Variants in ZDHHC14 observed in about 807,000 individuals in gnomAD.
ZDHHC14 encodes the protein zDHHC palmitoyltransferase 14, also known as palmitoyltransferase ZDHHC14.
Under a neutral mutation model 47.7 loss-of-function variants are expected in ZDHHC14, and 16 were observed. The ratio of observed to expected loss-of-function variants is 0.34; its 90% CI spans 0.23 to 0.51. The LOEUF (loss-of-function observed/expected upper bound fraction) is 0.51, where lower values mean the gene tolerates loss of function less well. ZDHHC14 is among the 20% of genes least tolerant of loss of function. The pLI, the probability that ZDHHC14 is intolerant of heterozygous loss-of-function variation, is 0.97. For synonymous variants in ZDHHC14, 293 were observed against 278.9 expected (o/e 1.05, Z -0.50); for missense variants, 515 against 662.5 (o/e 0.78, Z 2.44).
intron 7 of ZDHHC14, among the ~76,000 whole-genome samples, chr6:157,651,506 C>T (rs1185504000): frequency 7.2e-5 from 11 of 152,220 alleles, no homozygotes; most frequent in Admixed American, 7.2e-4. Context: ...AGGTCACACT[C>T]GCAGGTACCA....
At chr6:157,632,800 A>T (rs1785802077) in intron 4 of ZDHHC14, 34 bp from the exon 5 acceptor site, 1 of 1,608,696 alleles carries the variant, frequency 6.2e-7, no homozygotes. Context: ...GGCTGTTTCT[A>T]TCTGAATACT....
intron 1 of ZDHHC14, among the ~76,000 whole-genome samples, chr6:157,416,503 A>C (rs993403787): frequency 1.3e-4 from 20 of 151,796 alleles, no homozygotes; most frequent in Non-Finnish European, 5.9e-5. Flanking sequence ...TATCAAAAAA[A>C]AACAAGCAAA....
Position 157,554,385 on chromosome 6 carries a change from A to C in ZDHHC14, c.406+11640A>C, listed in dbSNP as rs1038428288. ...AGACGGCACGAGTTCTAGCAGTGAC[A>C]TTTAAAAAGTAAAAAAGCATATTTT... On this transcript the variant is annotated intron_variant, in intron 2 of 8. Coordinates refer to ENST00000359775, the MANE Select transcript of ZDHHC14 (RefSeq NM_024630.3). 5.9e-5 allele frequency among the ~76,000 whole-genome samples: 9 copies of C among 152,270 alleles called. No homozygotes were observed. The East Asian group carries it at 7.7e-4, about 13-fold the overall frequency.
At chr6:157,551,397 G>C (rs1271587659) in intron 2 of ZDHHC14, among the ~76,000 whole-genome samples, 1 of 152,210 alleles carries the variant, frequency 6.6e-6, no homozygotes, top group Non-Finnish European at 1.5e-5. Context: ...TCAGTGACAG[G>C]CCTGGGACCC....
At chr6:157,466,548 G>GT (rs1779221360) in intron 1 of ZDHHC14, among the ~76,000 whole-genome samples, 4 of 151,990 alleles carry the variant, frequency 2.6e-5, no homozygotes, top group Non-Finnish European at 5.9e-5. Flanking sequence ...AAATTCTTTT[G>GT]TTTTTTTGGC....
intron 5 of ZDHHC14, among the ~76,000 whole-genome samples, chr6:157,643,845 T>C (rs1031504679): frequency 3.3e-5 from 5 of 151,504 alleles, no homozygotes; most frequent in African/African-American, 9.7e-5. Context: ...GGTTCATACA[T>C]AGGAATGTTA....
chr6:157,587,151 A>G (rs1783727423), intron 2 of ZDHHC14, among the ~76,000 whole-genome samples: 1 of 152,250 alleles, frequency 6.6e-6, no homozygotes, highest in South Asian at 2.1e-4. Context: ...GTATTTTATA[A>G]AAAGATATCA....
intron 1 of ZDHHC14, among the ~76,000 whole-genome samples, chr6:157,536,321 A>G (rs1351515962): frequency 6.6e-6 from 1 of 152,198 alleles, no homozygotes; most frequent in Non-Finnish European, 1.5e-5. Context: ...AAAAATATCA[A>G]ATGTAGGCCA....
At chr6:157,483,610 C>T (rs1779685385) in intron 1 of ZDHHC14, among the ~76,000 whole-genome samples, 1 of 152,084 alleles carries the variant, frequency 6.6e-6, no homozygotes, top group Non-Finnish European at 1.5e-5. Flanking sequence ...TGATTATTAC[C>T]AGCTAATTCC....
chr6:157,548,245 C>A (rs1254343357), intron 2 of ZDHHC14, among the ~76,000 whole-genome samples: 1 of 152,116 alleles, frequency 6.6e-6, no homozygotes, highest in African/African-American at 2.4e-5. Context: ...TACTCACCTC[C>A]AATATCACCA....
At chr6:157,588,646 C>T (rs1000556232) in intron 2 of ZDHHC14, among the ~76,000 whole-genome samples, 7 of 152,314 alleles carry the variant, frequency 4.6e-5, no homozygotes, top group African/African-American at 9.6e-5. Flanking sequence ...TGCGTGAAAA[C>T]GCTTGGGTGT....
At chr6:157,589,527 T>C (rs1226498622) in intron 2 of ZDHHC14, among the ~76,000 whole-genome samples, 1 of 152,156 alleles carries the variant, frequency 6.6e-6, no homozygotes, top group Admixed American at 6.5e-5. Context: ...CTCCATGCTA[T>C]TCTCATGATA....
At chr6:157,439,568 A>C (rs888201225) in intron 1 of ZDHHC14, among the ~76,000 whole-genome samples, 7 of 152,204 alleles carry the variant, frequency 4.6e-5, no homozygotes, top group African/African-American at 1.7e-4. Flanking sequence ...GTGGGAACAT[A>C]AATTAGTTCC....
At chr6:157,602,532 G>A (rs1418526312) in intron 3 of ZDHHC14, among the ~76,000 whole-genome samples, 1 of 151,590 alleles carries the variant, frequency 6.6e-6, no homozygotes, top group Admixed American at 6.6e-5. Flanking sequence ...ACCGGGAGCT[G>A]TGTGCAGGTT....
chr6:157,519,663 C>T (rs183478124), intron 1 of ZDHHC14, among the ~76,000 whole-genome samples: 2 of 152,314 alleles, frequency 1.3e-5, no homozygotes, highest in East Asian at 1.9e-4. Context: ...GGTCTTAGCC[C>T]GGCCCCTCAA....
intron 1 of ZDHHC14, among the ~76,000 whole-genome samples, chr6:157,413,170 G>A (rs1275970165): frequency 1.3e-5 from 2 of 152,168 alleles, no homozygotes; most frequent in African/African-American, 2.4e-5. Context: ...CACGCACTCC[G>A]TGTTTGTAGA....
Position 157,381,310 on chromosome 6 carries a change from C to G in ZDHHC14, c.-712C>G, listed in dbSNP as rs1027366387. The G allele has an allele frequency of 1.3e-5, 2 of 151,730 alleles. No homozygotes were observed. The highest frequency in any genetic ancestry group is 4.9e-5 in the African/African-American group (2 of 41,210). The allele number at this position is 151,730 out of a possible 1,614,324, so 9.4% of individuals were successfully genotyped here. A position where few individuals can be genotyped will look rare whatever the true frequency, so the allele number is the denominator to read the frequency against. ...GCGCGGCCCGCGAGCCGCCGCCGCC[C>G]TCGGCCCGCGCATCCCCGCGCGGGG... is the stretch of plus-strand genomic sequence containing the variant. On this transcript the variant is annotated 5_prime_UTR_variant, in exon 1 of 9. Transcript: ENST00000359775.
intron 5 of ZDHHC14, among the ~76,000 whole-genome samples, chr6:157,634,625 T>C (rs1248302380): frequency 6.6e-6 from 1 of 152,244 alleles, no homozygotes; most frequent in East Asian, 1.9e-4. Context: ...GTTTTAAAAA[T>C]GTGCCTCAGA....
At chr6:157,621,080 T>A (rs1785169577) in intron 3 of ZDHHC14, among the ~76,000 whole-genome samples, 1 of 152,202 alleles carries the variant, frequency 6.6e-6, no homozygotes, top group Non-Finnish European at 1.5e-5. Flanking sequence ...TCCTGAGTCA[T>A]CGGACACAGT....
Sources: allele counts gnomAD v4.1 joint callset (sites outside exome capture counted in the v4.1 genomes callset), GRCh38; gene constraint gnomAD v4.1.1; transcripts MANE v1.5; gene names NCBI Gene and HGNC (gene_info 2026-07-23, HGNC 2026-07-21).